The following UGP2 variants were observed in gnomAD, a reference collection of about 807,000 sequenced individuals.
UGP2 encodes the protein UDP-glucose pyrophosphorylase 2.
A neutral mutation model predicts 49.0 loss-of-function variants in UGP2; 40 were observed. That is an observed-to-expected ratio of 0.82 (90% CI 0.63 to 1.06). The LOEUF (loss-of-function observed/expected upper bound fraction) is 1.06. Among genes scored for constraint, UGP2 ranks in the 50% least tolerant of loss-of-function variants. The pLI is 0.00. For missense variants in UGP2, 460 were observed against 603.5 expected (o/e 0.76, Z 2.49); for synonymous variants, 225 against 213.0 (o/e 1.06, Z -0.49).
At chr2:63,876,699 T>TG (rs1334798326) in intron 3 of UGP2, among the ~76,000 whole-genome samples, 3 of 152,238 alleles carry the variant, frequency 2.0e-5, no homozygotes, top group Non-Finnish European at 4.4e-5. Flanking sequence ...CATGCAAGGT[T>TG]ATAAATACAA....
intron 1 of UGP2, among the ~76,000 whole-genome samples, chr2:63,847,809 A>G (rs1668760241): frequency 6.6e-6 from 1 of 152,174 alleles, no homozygotes; most frequent in South Asian, 2.1e-4. Flanking sequence ...GGGGCAGGGC[A>G]TATTCACTTC....
chr2:63,849,553 A>G (rs1668903947), intron 1 of UGP2, among the ~76,000 whole-genome samples: 1 of 152,234 alleles, frequency 6.6e-6, no homozygotes. Context: ...TAGACAACAC[A>G]GTGTATAAGG....
intron 1 of UGP2, among the ~76,000 whole-genome samples, chr2:63,848,643 T>A (rs1460718588): frequency 1.3e-5 from 2 of 152,240 alleles, no homozygotes; most frequent in African/African-American, 4.8e-5. Flanking sequence ...ATTACAGGTG[T>A]GAGCCACTGC....
In UGP2 at chr2:63,842,143, G is replaced by GAA. The variant is rs78573846; in HGVS notation, c.-29_-28dup. 8.0e-4 allele frequency: 1,162 copies of GAA among 1,451,060 alleles called. No homozygotes were observed. The highest frequency in any genetic ancestry group is 1.6e-3 in the South Asian group (126 of 77,480). 89.9% of individuals were successfully genotyped at this position (1,451,060 alleles called of 1,614,324 possible). ...CCTGCCCTGTAGCGTGACTCCTCTAGAAAAAAAAAAAAAAAGCCGGAGTAT... is the reference window on the plus strand; with the variant it reads ...CCTGCCCTGTAGCGTGACTCCTCTAGAAAAAAAAAAAAAAAAAGCCGGAGTAT... On this transcript the variant is annotated 5_prime_UTR_variant, in exon 1 of 10. Transcript: ENST00000337130.
At chr2:63,853,429 A>G (rs902177412) in intron 1 of UGP2, among the ~76,000 whole-genome samples, 2 of 151,930 alleles carry the variant, frequency 1.3e-5, no homozygotes, top group African/African-American at 2.4e-5. Context: ...TTGGAGTTCT[A>G]TGGTTATTTG....
chr2:63,858,893 C>G (rs1038705007), intron 3 of UGP2, among the ~76,000 whole-genome samples: 1 of 138,528 alleles, frequency 7.2e-6, no homozygotes, highest in Non-Finnish European at 1.5e-5. Flanking sequence ...CCCCCGCCCC[C>G]CCGAAACACT....
intron 3 of UGP2, among the ~76,000 whole-genome samples, chr2:63,858,363 T>G (rs1381209229): frequency 6.6e-6 from 1 of 152,242 alleles, no homozygotes; most frequent in Non-Finnish European, 1.5e-5. Flanking sequence ...ACTCATTAAT[T>G]TATATACTAT....
rs532351683 is a variant in UGP2 at position 63,847,049 on chromosome 2, G to A, written c.19+4845G>A. Among the ~76,000 whole-genome samples the A allele has an allele frequency of 5.3e-5, 8 of 152,180 alleles. No homozygotes were observed. In the South Asian group the frequency reaches 1.5e-3, roughly 28 times the overall value. On this transcript the variant is annotated intron_variant, in intron 1 of 9. Transcript: ENST00000337130. ...TGTAATCTCTGTGGTTAAATTGTCC[G>A]TGTTCTTGCTAACTCAGCCTTTCTT...
chr2:63,863,402 T>G (rs1669979029), intron 3 of UGP2, among the ~76,000 whole-genome samples: 1 of 152,166 alleles, frequency 6.6e-6, no homozygotes, highest in Non-Finnish European at 1.5e-5. Flanking sequence ...CTTCTCTAGT[T>G]TTCCAGGTTT....
intron 3 of UGP2, among the ~76,000 whole-genome samples, chr2:63,866,738 T>C (rs1015584062): frequency 1.3e-5 from 2 of 152,090 alleles, no homozygotes; most frequent in Non-Finnish European, 2.9e-5. Context: ...GGCAAGGTAG[T>C]GGGGGCCATG....
chr2:63,862,913 A>G (rs531968912), intron 3 of UGP2: 1 of 454,440 alleles, frequency 2.2e-6, no homozygotes, highest in East Asian at 7.0e-5. Flanking sequence ...ACTGGAACAG[A>G]TTGTGACGTA....
chr2:63,881,748 T>C (rs1370994715), intron 3 of UGP2, among the ~76,000 whole-genome samples: 26 of 152,192 alleles, frequency 1.7e-4, no homozygotes, highest in Non-Finnish European at 1.9e-4. Flanking sequence ...AGGGAGAAGA[T>C]TGAGTTGGGA....
intron 3 of UGP2, among the ~76,000 whole-genome samples, chr2:63,866,236 A>T (rs1004959632): frequency 6.6e-6 from 1 of 152,246 alleles, no homozygotes; most frequent in Non-Finnish European, 1.5e-5. Flanking sequence ...AAGAAAGATG[A>T]CACACAGCTC....
intron 1 of UGP2, among the ~76,000 whole-genome samples, chr2:63,843,624 C>T (rs1391934160): frequency 6.6e-6 from 1 of 152,204 alleles, no homozygotes; most frequent in African/African-American, 2.4e-5. Context: ...GTAATGCCAA[C>T]TTGTCCTCAG....
At chr2:63,881,744 A>T (rs1401149381) in intron 3 of UGP2, among the ~76,000 whole-genome samples, 1 of 152,110 alleles carries the variant, frequency 6.6e-6, no homozygotes, top group Non-Finnish European at 1.5e-5. Flanking sequence ...TGCTAGGGAG[A>T]AGATTGAGTT....
chr2:63,872,679 G>C (rs1408501904), intron 3 of UGP2, among the ~76,000 whole-genome samples: 1 of 151,422 alleles, frequency 6.6e-6, no homozygotes, highest in Non-Finnish European at 1.5e-5. Flanking sequence ...AATTGATGTA[G>C]TTTATTGAAT....
Position 63,882,489 on chromosome 2 carries a change from G to A in UGP2, c.279G>A (p.Lys93=), listed in dbSNP as rs764066194. Residue 93 remains lysine (K), a synonymous_variant, in exon 4 of 10, where the codon AAG becomes AAA. Coordinates refer to ENST00000337130, the MANE Select transcript of UGP2 (RefSeq NM_006759.4). Reference sequence around the variant, plus strand: ...AGATTCAACCCTATGAAAAGATAAAGGCCAGGGGCTTGCCTGATAATATAT... The same window carrying A: ...AGATTCAACCCTATGAAAAGATAAAAGCCAGGGGCTTGCCTGATAATATAT... ...EDSIQPYEKI[K]ARGLPDNISS... is the part of the protein sequence containing the mutation. 1.2e-6 allele frequency: 2 copies of A among 1,600,646 alleles called. No individual in the cohort carries two copies. Among genetic ancestry groups the A allele is most frequent in the Non-Finnish European group, 1.7e-6 (2 of 1,170,572 alleles).
At chr2:63,874,848 T>C (rs1007501345) in intron 3 of UGP2, among the ~76,000 whole-genome samples, 1 of 151,612 alleles carries the variant, frequency 6.6e-6, no homozygotes, top group African/African-American at 2.4e-5. Context: ...ACAAACCAGC[T>C]CCCCTCTGCC....
At chr2:63,880,187 C>T (rs923542309) in intron 3 of UGP2, among the ~76,000 whole-genome samples, 1 of 148,646 alleles carries the variant, frequency 6.7e-6, no homozygotes, top group Non-Finnish European at 1.5e-5. Context: ...CTCCCCCCTC[C>T]TCCCTCTCCT....
Sources: allele counts gnomAD v4.1 joint callset (sites outside exome capture counted in the v4.1 genomes callset), GRCh38; gene constraint gnomAD v4.1.1; transcripts MANE v1.5; gene names NCBI Gene and HGNC (gene_info 2026-07-23, HGNC 2026-07-21).